TRRAP: variants seen among roughly 807,000 people sequenced by gnomAD.
The protein encoded by TRRAP is transformation/transcription domain associated protein, also known as transformation/transcription domain-associated protein.
A neutral mutation model predicts 438.8 loss-of-function variants in TRRAP; 41 were observed. That is an observed-to-expected ratio of 0.09 (90% CI 0.07 to 0.12). TRRAP has a LOEUF of 0.12. Ranked by LOEUF, TRRAP falls within the 10% of genes least tolerant of loss-of-function variation. The probability of loss-of-function intolerance (pLI) is 1.00; values close to 1 mark genes in which losing one functional copy is unlikely to be tolerated. For missense variants in TRRAP, 3,122 were observed against 5,055.1 expected, an observed-to-expected ratio of 0.62 and a Z score of 11.60; for synonymous variants, 1,994 against 1,962.9, an observed-to-expected ratio of 1.02 and a Z score of -0.42.
At chr7:98,946,552 C>T (rs1308669304) in intron 33 of TRRAP, among the ~76,000 whole-genome samples, 2 of 151,068 alleles carry the variant, frequency 1.3e-5, no homozygotes, top group East Asian at 3.9e-4. Context: ...GCACTCACAC[C>T]ACACATGCAC....
intron 31 of TRRAP, among the ~76,000 whole-genome samples, chr7:98,944,564 T>G (rs1584343007): frequency 6.6e-6 from 1 of 152,046 alleles, no homozygotes; most frequent in East Asian, 1.9e-4. Context: ...CTATGGTGTT[T>G]GGGGGCTTGT....
chr7:98,916,944 T>C (rs1789544435), intron 19 of TRRAP, among the ~76,000 whole-genome samples: 1 of 152,146 alleles, frequency 6.6e-6, no homozygotes. Flanking sequence ...CGCCTTTCTC[T>C]TTCTAGCCAG....
chr7:98,939,438 A>T (rs1399774387), intron 30 of TRRAP, among the ~76,000 whole-genome samples: 1 of 152,222 alleles, frequency 6.6e-6, no homozygotes, highest in Non-Finnish European at 1.5e-5. Flanking sequence ...CCTCATCTAT[A>T]TGCTAGTTTC....
At chr7:98,898,038 T>C (rs573342687) in intron 8 of TRRAP, among the ~76,000 whole-genome samples, 172 bp downstream of exon 8, 2 of 152,274 alleles carry the variant, frequency 1.3e-5, no homozygotes, top group African/African-American at 4.8e-5. Flanking sequence ...AAGTGACCTT[T>C]TGGGTGTCAT....
intron 31 of TRRAP, among the ~76,000 whole-genome samples, chr7:98,943,515 G>A (rs1554416138): frequency 6.6e-6 from 1 of 152,186 alleles, no homozygotes; most frequent in Admixed American, 6.5e-5. Flanking sequence ...ATACTGGCAC[G>A]TGTGTTTTCA....
chr7:98,925,189 C>G lies in TRRAP; in HGVS notation c.2901C>G (p.Ile967Met), dbSNP rs782303139. Residue 967 changes from isoleucine to methionine, a missense_variant, in exon 22 of 73, where the codon ATC becomes ATG. By Grantham distance (10) the Ile-to-Met change is conservative. Coordinates refer to ENST00000456197, the MANE Select transcript of TRRAP (RefSeq NM_001375524.1). Reference sequence around the variant, plus strand: ...ACCGGAGGCAGGCGTGGGAAGTGATCAAATGCTTCCTGGTGGCCATGATGA... The same window carrying G: ...ACCGGAGGCAGGCGTGGGAAGTGATGAAATGCTTCCTGGTGGCCATGATGA... ...PYYRRQAWEV[I>M]KCFLVAMMSL... The G allele has an allele frequency of 6.2e-7, 1 of 1,614,166 alleles. No individual in the cohort carries two copies. The highest frequency in any genetic ancestry group is 8.5e-7 in the Non-Finnish European group (1 of 1,180,032).
Position 98,950,109 on chromosome 7 carries a change from C to G in TRRAP, c.5181C>G (p.Ala1727=), listed in dbSNP as rs375489987. Residue 1727 remains alanine (A), a synonymous_variant, in exon 38 of 73, where the codon GCC becomes GCG. Transcript: ENST00000456197. ...AATTGCTGTTCCAGCTGCTCCGAGC[C>G]TTTACTGGTCGTTTTCTCTGCAACA... ...DIELLFQLLR[A]FTGRFLCNMT... 4 of 1,614,112 alleles carry G rather than the reference C, an allele frequency of 2.5e-6. No homozygotes were observed. The highest frequency in any genetic ancestry group is 1.3e-5 in the African/African-American group (1 of 74,938).
In TRRAP at chr7:98,943,104, C is replaced by T. The variant is rs532085029; in HGVS notation, c.4473+87C>T. ...CGGGACAGTGCTTTCATTAAAATGC[C>T]GGTCAGAAACCTAGTTTGACGTGAT... On this transcript the variant is annotated intron_variant, in intron 31 of 72. Coordinates refer to ENST00000456197, the MANE Select transcript of TRRAP (RefSeq NM_001375524.1). 9.3e-6 allele frequency: 13 copies of T among 1,398,144 alleles called. No individual in the cohort carries two copies. In the East Asian group the frequency reaches 9.5e-5, roughly 10 times the overall value. 86.6% of individuals were successfully genotyped at this position (1,398,144 alleles called of 1,614,324 possible).
chr7:98,956,565 G>A lies in TRRAP; in HGVS notation c.6231+32G>A, dbSNP rs782609886. ...TCATGTGCCTCTGTATGGGTGCTGC[G>A]CATTCTGCTGGGAGTTGGTTCGTTT... On this transcript the variant is annotated intron_variant, in intron 43 of 72. Coordinates refer to ENST00000456197, the MANE Select transcript of TRRAP (RefSeq NM_001375524.1). This position sits in a 1 kb window ranked among gnomAD's most constrained non-coding sequence, Gnocchi z 4.5. 30 of 1,597,554 alleles carry A rather than the reference G, an allele frequency of 1.9e-5. No individual in the cohort carries two copies. Among genetic ancestry groups the A allele is most frequent in the Middle Eastern group, 1.7e-4 (1 of 5,950 alleles).
At chr7:98,937,400 A>G (rs1790607052) in intron 29 of TRRAP, 123 bp downstream of exon 29, 5 of 1,387,138 alleles carry the variant, frequency 3.6e-6, no homozygotes, top group Non-Finnish European at 3.8e-6. Context: ...GGCTTTATGC[A>G]TGTGGTTATT....
At position 98,953,918 on chromosome 7, in the gene TRRAP, G is replaced by A. The variant is rs1630781; in HGVS notation, c.5730+485G>A. ...TCCCCCATTCCCACTCTGCTCTCTC[G>A]TTCCTCAACAGCTTTGCTTTTAAAA... On this transcript the variant is annotated intron_variant, in intron 40 of 72. Coordinates refer to ENST00000456197, the MANE Select transcript of TRRAP (RefSeq NM_001375524.1). 3.8e-3 allele frequency among the ~76,000 whole-genome samples: 576 copies of A among 152,136 alleles called. 10 individuals are homozygous for A. The highest frequency in any genetic ancestry group is 0.013 in the African/African-American group (548 of 41,504).
chr7:98,926,974 G>A (rs963206887), intron 22 of TRRAP, among the ~76,000 whole-genome samples, 193 bp from the exon 23 acceptor site: 8 of 152,138 alleles, frequency 5.3e-5, no homozygotes, highest in East Asian at 3.8e-4. Context: ...AGCCAGGATC[G>A]CGCCATTGCA....
chr7:98,967,562 C>T lies in TRRAP; in HGVS notation c.7376C>T (p.Pro2459Leu). 1 of 1,614,102 alleles carries T rather than the reference C, an allele frequency of 6.2e-7. No individual in the cohort carries two copies. Among genetic ancestry groups the T allele is most frequent in the South Asian group, 1.1e-5 (1 of 91,074 alleles). The part of the protein sequence containing the change: ...AFLSGLRCAQ[P>L]LIRAKFFEVF... ...CTCTCTGGGCTGCGCTGTGCCCAGC[C>T]ACTCATCAGGGCAAAGTTTTTCGAG... The change falls in exon 51 of 73, where the codon CCA becomes CTA. Residue 2459 changes from proline (P) to leucine (L), a missense_variant. Physicochemically the swap from Pro to Leu is moderately conservative, Grantham distance 98. Around this residue, in one of 24 missense-constraint regions of TRRAP, gnomAD observed 992 missense variants for 1,281.2 expected, o/e 0.77. Transcript: ENST00000456197.
Position 98,961,419 on chromosome 7 carries a change from G to A in TRRAP, c.6648G>A (p.Leu2216=). The change falls in exon 46 of 73, where the codon TTG becomes TTA. Residue 2216 remains leucine, a synonymous_variant. Transcript: ENST00000456197. ...TGACATGTGGAAACACCAAGGTGTT[G>A]CGAGCCGTCCACAGCCTTCTCTCGC... is the stretch of plus-strand genomic sequence containing the variant. ...ACMTCGNTKV[L]RAVHSLLSRL... 6.2e-7 allele frequency: 1 copy of A among 1,614,246 alleles called. No individual in the cohort carries two copies. Among genetic ancestry groups the A allele is most frequent in the Non-Finnish European group, 8.5e-7 (1 of 1,180,048 alleles).
At chr7:98,913,184 G>A (rs1251283271) in intron 18 of TRRAP, among the ~76,000 whole-genome samples, 1 of 151,976 alleles carries the variant, frequency 6.6e-6, no homozygotes, top group Admixed American at 6.6e-5. Context: ...GCAGTCTTGG[G>A]GTCTGTTGCA....
rs769457603 is a variant in TRRAP at position 99,011,962 on chromosome 7, C to T, written c.11338-109C>T. On this transcript the variant is annotated intron_variant, in intron 72 of 72. Coordinates refer to ENST00000456197, the MANE Select transcript of TRRAP (RefSeq NM_001375524.1). The surrounding 1 kb of genome is among the most constrained non-coding windows in gnomAD (Gnocchi z 7.1). The stretch of plus-strand genomic sequence containing the variant: ...GCCTGGTGCTGAAACTCGACTGGCC[C>T]TTGGTGGCCCTGAGCGGCCGCTGTG... 2.0e-5 allele frequency: 29 copies of T among 1,414,960 alleles called. No individual in the cohort carries two copies. The highest frequency in any genetic ancestry group is 1.6e-4 in the African/African-American group (11 of 70,692). 87.7% of individuals were successfully genotyped at this position (1,414,960 alleles called of 1,614,324 possible).
rs782094544 is a variant in TRRAP at position 98,931,494 on chromosome 7, C to T, written c.3681C>T (p.Ala1227=). 8.7e-6 allele frequency: 14 copies of T among 1,613,900 alleles called. No individual in the cohort carries two copies. The East Asian group carries it at 1.1e-4, about 13-fold the overall frequency. The change falls in exon 26 of 73, where the codon GCC becomes GCT. Residue 1227 remains alanine (A), a synonymous_variant. Transcript: ENST00000456197. ...CGCCTTTAAAAGACGAGGAGAGAGC[C>T]GAAGAGATCGTGGCCGCCCAGGAAA... ...CATPLKDEER[A]EEIVAAQEKS... is the part of the protein sequence containing the mutation.
At chr7:98,958,913 A>T (rs1299514795) in intron 44 of TRRAP, among the ~76,000 whole-genome samples, 1 of 152,212 alleles carries the variant, frequency 6.6e-6, no homozygotes, top group Non-Finnish European at 1.5e-5. Flanking sequence ...GAAACTTTAT[A>T]TTTCAAAGAA....
chr7:98,956,381 C>T lies in TRRAP; in HGVS notation c.6097-18C>T, dbSNP rs782531499. 61 of 1,613,260 alleles carry T rather than the reference C, an allele frequency of 3.8e-5. No individual in the cohort carries two copies. Among genetic ancestry groups the T allele is most frequent in the Non-Finnish European group, 4.9e-5 (58 of 1,179,706 alleles). ...CTAGAAATCAGTCAGTAAAACCAAG[C>T]GCCTGTGTGTTTTTAAGCCGGATTC... On this transcript the variant is annotated intron_variant, in intron 42 of 72. Transcript: ENST00000456197. This position sits in a 1 kb window ranked among gnomAD's most constrained non-coding sequence, Gnocchi z 4.5.
Sources: gnomAD v4.1 joint callset for allele counts (sites outside exome capture counted in the v4.1 genomes callset) on GRCh38, gnomAD v4.1.1 for gene constraint, gnomAD v4.1.1 regional missense constraint, Gnocchi (gnomAD v3.1) non-coding constraint, MANE v1.5 for transcripts, NCBI Gene and HGNC (gene_info 2026-07-23, HGNC 2026-07-21) for gene names.